The following DPP10 variants were observed in gnomAD, a reference collection of about 807,000 sequenced individuals.
DPP10 encodes the protein dipeptidyl peptidase like 10, also known as inactive dipeptidyl peptidase 10.
Under a neutral mutation model 120.9 loss-of-function variants are expected in DPP10, and 33 were observed. The ratio of observed to expected loss-of-function variants is 0.27; its 90% CI spans 0.21 to 0.37. DPP10 has a LOEUF of 0.37. Among genes scored for constraint, DPP10 ranks in the 10% least tolerant of loss-of-function variants. The pLI, the probability that DPP10 is intolerant of heterozygous loss-of-function variation, is 1.00. For missense variants in DPP10, 816 were observed against 942.8 expected (o/e 0.87, Z 1.76); for synonymous variants, 337 against 326.1 (o/e 1.03, Z -0.36).
intron 1 of DPP10, among the ~76,000 whole-genome samples, chr2:114,545,804 C>G (rs188144914): frequency 5.9e-5 from 9 of 152,148 alleles, no homozygotes; most frequent in Admixed American, 1.3e-4. Flanking sequence ...TTGGTTTTAC[C>G]TGCAAGAAAA....
intron 3 of DPP10, among the ~76,000 whole-genome samples, chr2:115,479,468 G>A (rs1246488321): frequency 2.0e-5 from 3 of 152,068 alleles, no homozygotes; most frequent in Admixed American, 1.3e-4. Context: ...GATGAAAGGG[G>A]TTCTGAAGAT....
At chr2:114,830,641 TA>T (rs1687020175) in intron 1 of DPP10, among the ~76,000 whole-genome samples, 1 of 152,202 alleles carries the variant, frequency 6.6e-6, no homozygotes, top group African/African-American at 2.4e-5. Context: ...TCGAAGCAGA[TA>T]TAACAACCTC....
chr2:115,746,061 C>A, intron 9 of DPP10, 25 bp from the exon 10 acceptor site: 2 of 1,504,342 alleles, frequency 1.3e-6, no homozygotes, highest in Non-Finnish European at 1.8e-6. Context: ...AATGTACTTG[C>A]AATACAACTT....
intron 1 of DPP10, among the ~76,000 whole-genome samples, chr2:114,965,314 A>G (rs1425669519): frequency 6.6e-6 from 1 of 151,466 alleles, no homozygotes; most frequent in African/African-American, 2.4e-5. Flanking sequence ...TTTTGGTATT[A>G]TTAGTAGGGA....
intron 1 of DPP10, among the ~76,000 whole-genome samples, chr2:114,539,006 G>A (rs1233106554): frequency 6.6e-6 from 1 of 152,102 alleles, no homozygotes; most frequent in Non-Finnish European, 1.5e-5. Context: ...CAAAGGAGAT[G>A]AGGACAGACA....
chr2:115,655,601 G>A (rs1284329308), intron 5 of DPP10, among the ~76,000 whole-genome samples: 5 of 151,550 alleles, frequency 3.3e-5, no homozygotes, highest in East Asian at 1.9e-4. Context: ...ATATAGGGGC[G>A]TGTTATCAAA....
intron 1 of DPP10, among the ~76,000 whole-genome samples, chr2:114,889,259 C>A (rs1054236596): frequency 3.3e-5 from 5 of 152,164 alleles, no homozygotes; most frequent in Non-Finnish European, 7.3e-5. Flanking sequence ...AATAAGACAT[C>A]CGTGTTCACA....
chr2:115,078,460 T>C, intron 1 of DPP10, among the ~76,000 whole-genome samples: 1 of 152,306 alleles, frequency 6.6e-6, no homozygotes, highest in South Asian at 2.1e-4. Context: ...TATCATCACA[T>C]CAGTGGTTCC....
chr2:115,707,464 T>A lies in DPP10; in HGVS notation c.576+17543T>A, dbSNP rs867668163. The stretch of plus-strand genomic sequence containing the variant: ...CACACACACACACACACACACACAC[T>A]CTCTCCACATTTTTTATTGGAATAC... On this transcript the variant is annotated intron_variant, in intron 7 of 25. Coordinates refer to ENST00000410059, the MANE Select transcript of DPP10 (RefSeq NM_020868.6). Among the ~76,000 whole-genome samples, 1,138 of 120,140 alleles carry A rather than the reference T, an allele frequency of 9.5e-3. 12 individuals carry two copies. The highest frequency in any genetic ancestry group is 0.028 in the African/African-American group (802 of 28,464). The allele number at this position is 120,140 out of a possible 152,430, so 78.8% of individuals were successfully genotyped here.
chr2:115,186,932 A>G (rs1245156875), intron 1 of DPP10, among the ~76,000 whole-genome samples: 1 of 145,738 alleles, frequency 6.9e-6, no homozygotes, highest in Non-Finnish European at 1.5e-5. Flanking sequence ...TAGCCAGAGG[A>G]TGTCGACAAA....
chr2:115,613,046 C>T (rs968338644), intron 5 of DPP10, among the ~76,000 whole-genome samples: 1 of 152,262 alleles, frequency 6.6e-6, no homozygotes, highest in African/African-American at 2.4e-5. Context: ...TCATGCTTTA[C>T]TGCTGAGAGA....
At chr2:115,491,747 A>G (rs2076136633) in intron 3 of DPP10, among the ~76,000 whole-genome samples, 1 of 152,020 alleles carries the variant, frequency 6.6e-6, no homozygotes, top group Non-Finnish European at 1.5e-5. Flanking sequence ...TACACTTTGG[A>G]TTTAGGTGGC....
chr2:114,678,787 A>G (rs1030587294), intron 1 of DPP10, among the ~76,000 whole-genome samples: 1 of 152,080 alleles, frequency 6.6e-6, no homozygotes, highest in Non-Finnish European at 1.5e-5. Flanking sequence ...GAGCTAGACA[A>G]TATTAAAATG....
At chr2:115,698,187 G>T (rs1269691800) in intron 7 of DPP10, among the ~76,000 whole-genome samples, 1 of 151,988 alleles carries the variant, frequency 6.6e-6, no homozygotes, top group Non-Finnish European at 1.5e-5. Context: ...ATCACAATGG[G>T]ATAAAGTTAG....
At chr2:115,334,230 G>GTTTTTTTTTTTTTTTTTTTT in intron 2 of DPP10, among the ~76,000 whole-genome samples, 640 of 56,304 alleles carry the variant, frequency 0.011, 106 homozygotes, top group African/African-American at 0.028. Flanking sequence ...AGCAGACTCT[G>GTTTTTTTTTTTTTTTTTTTT]TTTTTTTTTT....
intron 1 of DPP10, among the ~76,000 whole-genome samples, chr2:114,444,900 A>G (rs1401992562): frequency 6.6e-6 from 1 of 152,192 alleles, no homozygotes; most frequent in Non-Finnish European, 1.5e-5. Flanking sequence ...TAATTACTTG[A>G]GTATTTTGCA....
chr2:114,748,578 A>G (rs2106025572), intron 1 of DPP10, among the ~76,000 whole-genome samples: 1 of 82,094 alleles, frequency 1.2e-5, no homozygotes, highest in South Asian at 5.2e-4. Flanking sequence ...CACAGTCCCC[A>G]GAGTGTGATA....
chr2:114,616,647 G>T (rs931307428), intron 1 of DPP10, among the ~76,000 whole-genome samples: 2 of 152,066 alleles, frequency 1.3e-5, no homozygotes, highest in African/African-American at 4.8e-5. Context: ...AAAGAAGCTG[G>T]TTAATAAAAC....
intron 3 of DPP10, among the ~76,000 whole-genome samples, chr2:115,452,878 T>A (rs988832237): frequency 6.6e-6 from 1 of 151,942 alleles, no homozygotes; most frequent in African/African-American, 2.4e-5. Context: ...ATTATAGTGA[T>A]GAGCATATAG....
Sources: allele counts gnomAD v4.1 joint callset (sites outside exome capture counted in the v4.1 genomes callset), GRCh38; gene constraint gnomAD v4.1.1; transcripts MANE v1.5; gene names NCBI Gene and HGNC (gene_info 2026-07-23, HGNC 2026-07-21).